Variants in SNTG1 observed in about 807,000 individuals in gnomAD.
SNTG1 encodes the protein syntrophin gamma 1, also known as gamma-1-syntrophin.
In SNTG1, 39 loss-of-function variants were observed where a neutral mutation model predicts 74.7. That is an observed-to-expected ratio of 0.52 (90% CI 0.40 to 0.68). The LOEUF (loss-of-function observed/expected upper bound fraction) is 0.68, where lower values mean the gene tolerates loss of function less well. Ranked by LOEUF, SNTG1 falls within the 30% of genes least tolerant of loss-of-function variation. The pLI, the probability that SNTG1 is intolerant of heterozygous loss-of-function variation, is 0.00. For synonymous variants in SNTG1, 254 were observed against 217.1 expected, an observed-to-expected ratio of 1.17 and a Z score of -1.49; for missense variants, 685 against 609.5, an observed-to-expected ratio of 1.12 and a Z score of -1.30.
At chr8:50,535,262 T>C (rs1037079681) in intron 10 of SNTG1, among the ~76,000 whole-genome samples, 2 of 152,116 alleles carry the variant, frequency 1.3e-5, no homozygotes, top group Non-Finnish European at 2.9e-5. Context: ...GACTACTCAG[T>C]TGGGAAACTG....
intron 2 of SNTG1, among the ~76,000 whole-genome samples, chr8:50,218,966 A>G (rs2084925233): frequency 6.6e-6 from 1 of 152,198 alleles, no homozygotes; most frequent in South Asian, 2.1e-4. Context: ...CACGAGGAAA[A>G]GAAGAGAAAG....
At chr8:50,117,987 C>A (rs934113016) in intron 1 of SNTG1, among the ~76,000 whole-genome samples, 1 of 152,136 alleles carries the variant, frequency 6.6e-6, no homozygotes, top group Non-Finnish European at 1.5e-5. Flanking sequence ...GGGAAAGATG[C>A]TGACCACTGC....
At chr8:50,633,271 A>C (rs2095015525) in intron 13 of SNTG1, among the ~76,000 whole-genome samples, 1 of 152,204 alleles carries the variant, frequency 6.6e-6, no homozygotes, top group Non-Finnish European at 1.5e-5. Flanking sequence ...ACGTGGGGCC[A>C]TCTTGCTCCC....
intron 8 of SNTG1, among the ~76,000 whole-genome samples, chr8:50,460,026 C>T (rs1041961176): frequency 6.6e-6 from 1 of 152,124 alleles, no homozygotes; most frequent in African/African-American, 2.4e-5. Context: ...GATATATACC[C>T]AGTCATGGGA....
chr8:50,401,736 G>A (rs933244100), intron 3 of SNTG1, among the ~76,000 whole-genome samples: 14 of 152,030 alleles, frequency 9.2e-5, no homozygotes, highest in Non-Finnish European at 4.4e-5. Context: ...TGGAGAAATA[G>A]GAGTGTGTTC....
At chr8:50,597,820 G>C (rs897267414) in intron 13 of SNTG1, among the ~76,000 whole-genome samples, 2 of 151,856 alleles carry the variant, frequency 1.3e-5, no homozygotes, top group African/African-American at 4.8e-5. Flanking sequence ...TAGTGATTTT[G>C]AGCATTTTTA....
At chr8:50,275,606 C>T (rs1191830071) in intron 2 of SNTG1, among the ~76,000 whole-genome samples, 2 of 152,150 alleles carry the variant, frequency 1.3e-5, no homozygotes, top group East Asian at 1.9e-4. Flanking sequence ...CTATTCTTCA[C>T]CATTAGAAAT....
At chr8:50,276,873 C>T (rs189389443) in intron 2 of SNTG1, among the ~76,000 whole-genome samples, 182 of 151,846 alleles carry the variant, frequency 1.2e-3, no homozygotes, top group African/African-American at 4.3e-3. Flanking sequence ...AGTCTTGCTC[C>T]GTTGCCCAGG....
At chr8:50,350,035 G>A (rs905174977) in intron 2 of SNTG1, among the ~76,000 whole-genome samples, 8 of 152,314 alleles carry the variant, frequency 5.3e-5, no homozygotes, top group Middle Eastern at 3.4e-3. Context: ...CCTGCCGGCC[G>A]GGCAATGAGG....
chr8:50,292,677 T>C lies in SNTG1; in HGVS notation c.-27-101535T>C, dbSNP rs573864937. Among the ~76,000 whole-genome samples, 9 of 152,250 alleles carry C rather than the reference T, an allele frequency of 5.9e-5. No homozygotes were observed. In the South Asian group the frequency reaches 1.9e-3, roughly 32 times the overall value. On this transcript the variant is annotated intron_variant, in intron 2 of 18. Transcript: ENST00000642720. ...GTTGAGTGCTTGGAAGAGGTATTAC[T>C]GTCAGTTGAGATGAAGATGACCAGG...
chr8:50,276,371 TTTTATATATATATATATA>T (rs1421157760), intron 2 of SNTG1, among the ~76,000 whole-genome samples: 7 of 78,380 alleles, frequency 8.9e-5, no homozygotes, highest in East Asian at 3.8e-4. Flanking sequence ...TGCAAGTAAA[TTTTATATATATATATATA>T]TATATATATA....
chr8:50,577,702 T>C (rs929770536), intron 12 of SNTG1, among the ~76,000 whole-genome samples: 4 of 152,216 alleles, frequency 2.6e-5, no homozygotes, highest in African/African-American at 9.6e-5. Context: ...ATCTTAGTGT[T>C]AACTTCCCTC....
intron 1 of SNTG1, among the ~76,000 whole-genome samples, chr8:50,022,622 A>G (rs1816923551): frequency 6.6e-6 from 1 of 152,214 alleles, no homozygotes; most frequent in Non-Finnish European, 1.5e-5. Context: ...ATTAAGTGGA[A>G]TACAGTGGTA....
chr8:50,357,800 T>A (rs570429668), intron 2 of SNTG1, among the ~76,000 whole-genome samples: 2 of 152,144 alleles, frequency 1.3e-5, no homozygotes, highest in Non-Finnish European at 2.9e-5. Context: ...TTACAAATGA[T>A]GAAATAAGCT....
chr8:50,338,359 C>G (rs1345187033), intron 2 of SNTG1, among the ~76,000 whole-genome samples: 1 of 152,020 alleles, frequency 6.6e-6, no homozygotes, highest in Non-Finnish European at 1.5e-5. Context: ...ACCAGGGCAT[C>G]ATGTCTGGCT....
intron 13 of SNTG1, among the ~76,000 whole-genome samples, chr8:50,628,448 G>T (rs1350905337): frequency 6.6e-6 from 1 of 151,826 alleles, no homozygotes; most frequent in East Asian, 1.9e-4. Flanking sequence ...TCTTATTTAG[G>T]GTCACTAATG....
At chr8:50,289,171 A>G (rs1336303526) in intron 2 of SNTG1, among the ~76,000 whole-genome samples, 1 of 152,166 alleles carries the variant, frequency 6.6e-6, no homozygotes, top group East Asian at 1.9e-4. Flanking sequence ...AAATATTTCA[A>G]TCCTTGGTTG....
At chr8:50,425,415 T>C (rs917996436) in intron 4 of SNTG1, among the ~76,000 whole-genome samples, 2 of 152,114 alleles carry the variant, frequency 1.3e-5, no homozygotes, top group Non-Finnish European at 2.9e-5. Flanking sequence ...GTGCACTCCT[T>C]ATGAGAATCT....
intron 9 of SNTG1, among the ~76,000 whole-genome samples, chr8:50,524,177 A>G (rs1256257764): frequency 1.3e-5 from 2 of 152,084 alleles, no homozygotes; most frequent in Non-Finnish European, 2.9e-5. Context: ...CATAGAACAT[A>G]CTATAACAAT....
Sources: allele counts gnomAD v4.1 joint callset (sites outside exome capture counted in the v4.1 genomes callset), GRCh38; gene constraint gnomAD v4.1.1; transcripts MANE v1.5; gene names NCBI Gene and HGNC (gene_info 2026-07-23, HGNC 2026-07-21).